Variants in ARHGAP42 observed in about 807,000 individuals in gnomAD.
The protein encoded by ARHGAP42 is Rho GTPase activating protein 42.
In ARHGAP42, 63 loss-of-function variants were observed where a neutral mutation model predicts 125.0. The ratio of observed to expected loss-of-function variants is 0.50; its 90% confidence interval spans 0.41 to 0.62. ARHGAP42 has a LOEUF of 0.62. Among genes scored for constraint, ARHGAP42 ranks in the 20% least tolerant of loss-of-function variants. ARHGAP42 has a pLI of 0.00. For synonymous variants in ARHGAP42, 339 were observed against 351.0 expected, an observed-to-expected ratio of 0.97 and a Z score of 0.38; for missense variants, 766 against 1,024.2, an observed-to-expected ratio of 0.75 and a Z score of 3.44.
At chr11:100,752,333 G>T (rs7924872) in intron 1 of ARHGAP42, among the ~76,000 whole-genome samples, 1,945 of 152,296 alleles carry the variant, frequency 0.013, 42 homozygotes, top group African/African-American at 0.045. Flanking sequence ...TGAGCACCAG[G>T]GCTGCCTGCC....
At chr11:100,928,924 C>T (rs1034935223) in intron 6 of ARHGAP42, among the ~76,000 whole-genome samples, 8 of 152,254 alleles carry the variant, frequency 5.3e-5, no homozygotes, top group Non-Finnish European at 5.9e-5. Flanking sequence ...GAGGTTCATC[C>T]ATCTGAAAGC....
intron 4 of ARHGAP42, among the ~76,000 whole-genome samples, chr11:100,866,651 A>T (rs919258998): frequency 1.3e-5 from 2 of 152,164 alleles, no homozygotes; most frequent in Admixed American, 1.3e-4. Flanking sequence ...AAGAGAGAGA[A>T]CAAAAGGGGA....
In ARHGAP42 at chr11:100,925,052, G is replaced by A. The variant is rs541703287; in HGVS notation, c.597+3448G>A. ...TCACCATGTTGGCCAGGCTGTTCTC[G>A]AACTCCTGACCTCAGGTGATCCACC... is the stretch of plus-strand genomic sequence containing the variant. On this transcript the variant is annotated intron_variant, in intron 6 of 23. Transcript: ENST00000298815. 6.6e-5 allele frequency among the ~76,000 whole-genome samples: 10 copies of A among 151,982 alleles called. No individual in the cohort carries two copies. In the South Asian group the frequency reaches 1.5e-3, roughly 22 times the overall value.
chr11:100,940,005 C>A (rs932721735), intron 8 of ARHGAP42, among the ~76,000 whole-genome samples: 1 of 152,086 alleles, frequency 6.6e-6, no homozygotes, highest in Non-Finnish European at 1.5e-5. Context: ...CTAATTAGCT[C>A]GTAAGTCTTT....
intron 22 of ARHGAP42, among the ~76,000 whole-genome samples, chr11:100,985,238 C>A (rs951481171): frequency 6.6e-6 from 1 of 152,152 alleles, no homozygotes; most frequent in Admixed American, 6.5e-5. Flanking sequence ...ATATTGTAAT[C>A]ACTTCTACAA....
At chr11:100,745,204 A>G (rs1011984692) in intron 1 of ARHGAP42, among the ~76,000 whole-genome samples, 1 of 152,206 alleles carries the variant, frequency 6.6e-6, no homozygotes, top group African/African-American at 2.4e-5. Context: ...GAAGGCAAAG[A>G]ATTGAACATA....
intron 4 of ARHGAP42, among the ~76,000 whole-genome samples, chr11:100,879,008 C>A (rs1591262637): frequency 6.8e-6 from 1 of 148,032 alleles, no homozygotes. Context: ...GGAAAGAAGA[C>A]ATGAACAAAT....
At position 100,821,547 on chromosome 11, in the gene ARHGAP42, C is replaced by T. The variant is rs897642467; in HGVS notation, c.312+26381C>T. Among the ~76,000 whole-genome samples, 6 of 151,400 alleles carry T rather than the reference C, an allele frequency of 4.0e-5. No homozygotes were observed. The East Asian group carries it at 9.7e-4, about 25-fold the overall frequency. ...GAGTAAAATGTGGCTGTGAAACATC[C>T]CTTGTATGCCTGGGCAAGCTATCTT... On this transcript the variant is annotated intron_variant, in intron 3 of 23. Coordinates refer to ENST00000298815, the MANE Select transcript of ARHGAP42 (RefSeq NM_152432.4).
At chr11:100,811,322 C>G (rs893273593) in intron 3 of ARHGAP42, among the ~76,000 whole-genome samples, 1 of 152,140 alleles carries the variant, frequency 6.6e-6, no homozygotes, top group Non-Finnish European at 1.5e-5. Context: ...CAGAACAACT[C>G]TGGATTTAAT....
intron 5 of ARHGAP42, among the ~76,000 whole-genome samples, chr11:100,920,764 G>A (rs1867216614): frequency 6.6e-6 from 1 of 152,082 alleles, no homozygotes; most frequent in African/African-American, 2.4e-5. Context: ...TAATAAAAGT[G>A]CATGGCATTG....
intron 4 of ARHGAP42, among the ~76,000 whole-genome samples, chr11:100,907,390 G>A (rs1030973978): frequency 1.3e-5 from 2 of 152,172 alleles, no homozygotes; most frequent in Admixed American, 6.5e-5. Flanking sequence ...GTTCCTGTGA[G>A]TTTGATTACC....
At chr11:100,899,763 G>A (rs1392580266) in intron 4 of ARHGAP42, among the ~76,000 whole-genome samples, 8 of 125,896 alleles carry the variant, frequency 6.4e-5, no homozygotes, top group Non-Finnish European at 1.0e-4. Context: ...TTGCTTTGTA[G>A]ATCTTCCTCC....
In ARHGAP42 at chr11:100,921,568, G is replaced by C. The variant is rs1449287957; in HGVS notation, c.561G>C (p.Glu187Asp). ...TAGAATATGTCTTTAAAATTCAAGA[G>C]GTCCAAGAAAAAAAGAAGTTTGAAT... ...ASLEYVFKIQ[E>D]VQEKKKFEFV... The change falls in exon 6 of 24, where the codon GAG (glutamate) becomes GAC (aspartate). Residue 187 changes from glutamate to aspartate, a missense_variant. Coordinates refer to ENST00000298815, the MANE Select transcript of ARHGAP42 (RefSeq NM_152432.4). 6.5e-7 allele frequency: 1 copy of C among 1,542,926 alleles called. No homozygotes were observed. Among genetic ancestry groups the C allele is most frequent in the South Asian group, 1.2e-5 (1 of 82,362 alleles).
chr11:100,790,045 T>C (rs1863529327), intron 2 of ARHGAP42, among the ~76,000 whole-genome samples: 1 of 152,206 alleles, frequency 6.6e-6, no homozygotes, highest in Non-Finnish European at 1.5e-5. Context: ...TTACCTAGTA[T>C]TTAAGATAGT....
At chr11:100,939,082 A>C (rs530121038) in intron 8 of ARHGAP42, among the ~76,000 whole-genome samples, 1 of 152,304 alleles carries the variant, frequency 6.6e-6, no homozygotes, top group African/African-American at 2.4e-5. Flanking sequence ...GTTCCACTCT[A>C]CCTGAGCATG....
chr11:100,823,053 A>G (rs934416771), intron 3 of ARHGAP42, among the ~76,000 whole-genome samples: 2 of 151,888 alleles, frequency 1.3e-5, no homozygotes, highest in African/African-American at 2.4e-5. Flanking sequence ...AGAATCTCCA[A>G]TTTTCCCACT....
In ARHGAP42 at chr11:100,779,541, TATATATATACATATACATAC is replaced by T. The variant is rs1255514766; in HGVS notation, c.250+9104_250+9123del. ...ATACGTATACATGCGTATATATACG[TATATATATACATATACATAC>T]GTATATATACGTATATATACATATA... On this transcript the variant is annotated intron_variant, in intron 2 of 23. Coordinates refer to ENST00000298815, the MANE Select transcript of ARHGAP42 (RefSeq NM_152432.4). 9.9e-5 allele frequency among the ~76,000 whole-genome samples: 4 copies of T among 40,384 alleles called. No homozygotes were observed. In the East Asian group the frequency reaches 2.9e-3, roughly 29 times the overall value. 26.5% of individuals were successfully genotyped at this position (40,384 alleles called of 152,430 possible). A position where few individuals can be genotyped will look rare whatever the true frequency, so the allele number is the denominator to read the frequency against.
chr11:100,722,393 CT>C (rs199744764), intron 1 of ARHGAP42, among the ~76,000 whole-genome samples: 42,339 of 134,854 alleles, frequency 0.31, 6,203 homozygotes, highest in East Asian at 0.45. Flanking sequence ...AAATTTATTA[CT>C]TTTTTTTTTT....
At chr11:100,761,211 G>A (rs1017214451) in intron 1 of ARHGAP42, among the ~76,000 whole-genome samples, 11 of 152,178 alleles carry the variant, frequency 7.2e-5, no homozygotes, top group African/African-American at 2.4e-4. Flanking sequence ...CCACTTAGGA[G>A]TGGTTTGCGT....
Sources: allele counts gnomAD v4.1 joint callset (sites outside exome capture counted in the v4.1 genomes callset), GRCh38; gene constraint gnomAD v4.1.1; transcripts MANE v1.5; gene names NCBI Gene and HGNC (gene_info 2026-07-23, HGNC 2026-07-21).